The following ARHGAP29 variants were observed in gnomAD, a reference collection of about 807,000 sequenced individuals.
The protein encoded by ARHGAP29 is Rho GTPase activating protein 29, also known as rho GTPase-activating protein 29.
In ARHGAP29, 43 loss-of-function variants were observed where a neutral mutation model predicts 122.6. The observed-to-expected ratio is 0.35, with a 90% confidence interval of 0.27 to 0.45. The LOEUF is 0.45. Ranked by LOEUF, ARHGAP29 falls within the 20% of genes least tolerant of loss-of-function variation. The pLI is 1.00. For missense variants in ARHGAP29, 1,303 were observed against 1,477.2 expected (o/e 0.88, Z 1.93); for synonymous variants, 506 against 497.1 (o/e 1.02, Z -0.24).
the ARHGAP29 span, among the ~76,000 whole-genome samples, chr1:94,286,216 T>C: frequency 6.6e-6 from 1 of 152,326 alleles, no homozygotes; most frequent in East Asian, 1.9e-4. Context: ...TTCCTCTTTT[T>C]ATAAGGCCAC....
At chr1:94,295,326 G>T in the ARHGAP29 span, among the ~76,000 whole-genome samples, 4 of 152,170 alleles carry the variant, frequency 2.6e-5, no homozygotes, top group Non-Finnish European at 5.9e-5. Flanking sequence ...AGATTGAAAG[G>T]ATAGGGCTTT....
chr1:94,215,104 GA>G (rs199693229), intron 3 of ARHGAP29, among the ~76,000 whole-genome samples: 3,253 of 83,588 alleles, frequency 0.039, 52 homozygotes, highest in Non-Finnish European at 0.06. Flanking sequence ...GCATGAAAAG[GA>G]AAAAAAAAAA....
intron 1 of ARHGAP29, among the ~76,000 whole-genome samples, chr1:94,270,437 C>A (rs1424507445): frequency 6.6e-6 from 1 of 152,148 alleles, no homozygotes; most frequent in Non-Finnish European, 1.5e-5. Flanking sequence ...TGCCAGGTAC[C>A]CGGAACTACC....
intron 1 of ARHGAP29, among the ~76,000 whole-genome samples, chr1:94,266,398 T>C (rs1370991490): frequency 1.3e-5 from 2 of 152,178 alleles, no homozygotes; most frequent in African/African-American, 2.4e-5. Flanking sequence ...CTCCAAATTA[T>C]GTTGGGGAGT....
At chr1:94,305,862 TA>T in the ARHGAP29 span, among the ~76,000 whole-genome samples, 1 of 152,240 alleles carries the variant, frequency 6.6e-6, no homozygotes, top group Non-Finnish European at 1.5e-5. Context: ...AAGTTGTGGT[TA>T]ATCATACATA....
rs112274678 is a variant in ARHGAP29, at chr1:94,263,410, T to A, written c.-33+11602A>T. 9.9e-3 allele frequency among the ~76,000 whole-genome samples: 1,488 copies of A among 151,042 alleles called. 22 individuals are homozygous for A. Among genetic ancestry groups the A allele is most frequent in the African/African-American group, 0.034 (1,373 of 40,920 alleles). ...ACTTAAAAGTTAAAAAAAAAAAGGT[T>A]TGGGGTCTTGTGCATCTGGTTTTCA... is the stretch of plus-strand genomic sequence containing the variant. On this transcript the variant is annotated intron_variant and NMD_transcript_variant, in intron 1 of 25. Coordinates refer to the ARHGAP29 transcript ENST00000552844.
chr1:94,232,989 G>C (rs1415344664), intron 1 of ARHGAP29, among the ~76,000 whole-genome samples: 1 of 150,774 alleles, frequency 6.6e-6, no homozygotes, highest in Non-Finnish European at 1.5e-5. Flanking sequence ...CTATCACCCA[G>C]GTTGGAGTGC....
chr1:94,247,308 T>C (rs948188435), intron 1 of ARHGAP29, among the ~76,000 whole-genome samples: 5 of 151,858 alleles, frequency 3.3e-5, no homozygotes, highest in Non-Finnish European at 7.4e-5. Context: ...GGGAGTCCTG[T>C]AAGGGGAGGA....
upstream of ARHGAP29, among the ~76,000 whole-genome samples, chr1:94,238,250 AG>A (rs1402530997): frequency 1.3e-5 from 2 of 151,634 alleles, no homozygotes; most frequent in Non-Finnish European, 2.9e-5. Flanking sequence ...TAGTAGAGGC[AG>A]GGTTTCGCTA....
chr1:94,298,178 T>C, the ARHGAP29 span, among the ~76,000 whole-genome samples: 1 of 152,242 alleles, frequency 6.6e-6, no homozygotes, highest in Admixed American at 6.5e-5. Flanking sequence ...TTGATTAGTA[T>C]GTAGCTCTTT....
At chr1:94,278,267 T>A (rs1330458993), upstream of ARHGAP29, among the ~76,000 whole-genome samples, 1 of 152,164 alleles carries the variant, frequency 6.6e-6, no homozygotes, top group East Asian at 1.9e-4. Context: ...TATAGTGGGC[T>A]ATGATCATGG....
At chr1:94,207,486 A>C (rs1260309544) in intron 5 of ARHGAP29, among the ~76,000 whole-genome samples, 7 of 152,224 alleles carry the variant, frequency 4.6e-5, no homozygotes, top group Admixed American at 4.6e-4. Flanking sequence ...ATATGTATGC[A>C]CAATAGAGGT....
chr1:94,265,156 T>C (rs925846998), intron 1 of ARHGAP29, among the ~76,000 whole-genome samples: 7 of 152,208 alleles, frequency 4.6e-5, no homozygotes, highest in Non-Finnish European at 8.8e-5. Context: ...GTTAGGTCCT[T>C]CCTGACTCAT....
intron 1 of ARHGAP29, among the ~76,000 whole-genome samples, chr1:94,271,475 A>G (rs1046656042): frequency 6.6e-6 from 1 of 152,144 alleles, no homozygotes; most frequent in Non-Finnish European, 1.5e-5. Flanking sequence ...TTTATTTTCT[A>G]TTGCTTCATT....
In ARHGAP29 at chr1:94,174,135, T is replaced by C. The variant is rs1353258829; in HGVS notation, c.3520A>G (p.Ile1174Val). The change falls in exon 23 of 23, where the codon ATC becomes GTC. Residue 1174 changes from isoleucine (I) to valine (V), a missense_variant. Ile to Val is a conservative substitution (Grantham distance 29). Coordinates refer to ENST00000260526, the MANE Select transcript of ARHGAP29 (RefSeq NM_004815.4). ...TTCTCCTCATTCCCCCTGATACTGATGATGGGAGCATGTGGTTTATAAAAT... is the reference window on the plus strand; with the variant it reads ...TTCTCCTCATTCCCCCTGATACTGACGATGGGAGCATGTGGTTTATAAAAT... ...TTFYKPHAPI[I>V]SIRGNEEKPA... 3.1e-6 allele frequency: 5 copies of C among 1,614,186 alleles called. No individual in the cohort carries two copies. In the Admixed American group the frequency reaches 8.3e-5, roughly 27 times the overall value.
intron 10 of ARHGAP29, 58 bp downstream of exon 10, chr1:94,202,860 C>T: frequency 1.9e-6 from 3 of 1,552,096 alleles, no homozygotes; most frequent in Non-Finnish European, 2.6e-6. Flanking sequence ...TCAGTATATA[C>T]TGCAGATTAT....
At chr1:94,230,929 A>G (rs1195474184) in intron 2 of ARHGAP29, among the ~76,000 whole-genome samples, 1 of 151,848 alleles carries the variant, frequency 6.6e-6, no homozygotes, top group Non-Finnish European at 1.5e-5. Flanking sequence ...GTTACAGATC[A>G]GCAAAACAGA....
At chr1:94,263,596 A>T (rs1756246) in intron 1 of ARHGAP29, among the ~76,000 whole-genome samples, 1 of 152,154 alleles carries the variant, frequency 6.6e-6, no homozygotes, top group South Asian at 2.1e-4. Context: ...ATATGTTTAT[A>T]TTTTCTGCTT....
At position 94,174,124 on chromosome 1, in the gene ARHGAP29, C is replaced by G. The variant is rs779950205; in HGVS notation, c.3531G>C (p.Arg1177Ser). 6.2e-7 allele frequency: 1 copy of G among 1,614,152 alleles called. No individual in the cohort carries two copies. Among genetic ancestry groups the G allele is most frequent in the Non-Finnish European group, 8.5e-7 (1 of 1,180,026 alleles). ...YKPHAPIISIRGNEEKPASPS... is the reference protein window; with the variant it reads ...YKPHAPIISISGNEEKPASPS... ...GTGAAGCTGGCTTCTCCTCATTCCC[C>G]CTGATACTGATGATGGGAGCATGTG... The change falls in exon 23 of 23, where the codon AGG becomes AGC. Residue 1177 changes from arginine to serine, a missense_variant. By Grantham distance (110) the Arg-to-Ser change is moderately radical. This residue lies in a region of ARHGAP29 where 620 missense variants were observed against 651.2 expected (regional missense o/e 0.95). Coordinates refer to ENST00000260526, the MANE Select transcript of ARHGAP29 (RefSeq NM_004815.4).
Sources: gnomAD v4.1 joint callset for allele counts (sites outside exome capture counted in the v4.1 genomes callset) on GRCh38, gnomAD v4.1.1 for gene constraint, gnomAD v4.1.1 regional missense constraint, MANE v1.5 for transcripts, NCBI Gene and HGNC (gene_info 2026-07-23, HGNC 2026-07-21) for gene names.